The following LOC128092252 variants were observed in gnomAD, a reference collection of about 807,000 sequenced individuals.
At chr15:50,670,543 A>G in the LOC128092252 span, among the ~76,000 whole-genome samples, 4 of 152,184 alleles carry the variant, frequency 2.6e-5, no homozygotes, top group South Asian at 2.1e-4. Flanking sequence ...AACCAGCACC[A>G]TGACAGTTTA....
chr15:50,662,197 C>T, the LOC128092252 span, among the ~76,000 whole-genome samples: 3 of 152,066 alleles, frequency 2.0e-5, no homozygotes, highest in African/African-American at 4.8e-5. Flanking sequence ...ACTAAAAATA[C>T]AAAAATTTAG....
chr15:50,660,556 G>A, the LOC128092252 span, among the ~76,000 whole-genome samples: 1 of 152,272 alleles, frequency 6.6e-6, no homozygotes, highest in Admixed American at 6.5e-5. Context: ...TCAGGTAGCT[G>A]AGGCATGAGA....
At chr15:50,661,853 G>C in the LOC128092252 span, among the ~76,000 whole-genome samples, 1 of 152,198 alleles carries the variant, frequency 6.6e-6, no homozygotes, top group Admixed American at 6.5e-5. Flanking sequence ...ATGAAGAAAA[G>C]TGCTCTATAG....
At chr15:50,651,968 A>G in the LOC128092252 span, among the ~76,000 whole-genome samples, 1 of 152,056 alleles carries the variant, frequency 6.6e-6, no homozygotes, top group South Asian at 2.1e-4. Context: ...AAATAACCTA[A>G]ACTTCTACCT....
At chr15:50,678,748 G>C in the LOC128092252 span, among the ~76,000 whole-genome samples, 1 of 152,028 alleles carries the variant, frequency 6.6e-6, no homozygotes, top group East Asian at 1.9e-4. Context: ...AAAAACTTAA[G>C]GCCAGGTGCA....
At chr15:50,686,546 G>A in the LOC128092252 span, 2 of 1,610,264 alleles carry the variant, frequency 1.2e-6, no homozygotes, top group Non-Finnish European at 1.7e-6. Context: ...TCCTCACGGG[G>A]CGGACTCCGG....
chr15:50,652,816 C>T, the LOC128092252 span, among the ~76,000 whole-genome samples: 2 of 151,788 alleles, frequency 1.3e-5, no homozygotes, highest in African/African-American at 2.4e-5. Flanking sequence ...GCTTGGGTAA[C>T]AAAAGGAACT....
the LOC128092252 span, among the ~76,000 whole-genome samples, chr15:50,682,576 C>CAA: frequency 1.6e-4 from 17 of 103,176 alleles, no homozygotes; most frequent in African/African-American, 5.1e-4. Flanking sequence ...AACTCCATCT[C>CAA]AAAAAAAAAA....
chr15:50,676,779 C>T, the LOC128092252 span, among the ~76,000 whole-genome samples: 1 of 151,978 alleles, frequency 6.6e-6, no homozygotes, highest in Non-Finnish European at 1.5e-5. Context: ...ACTTATAGAA[C>T]CAGAATACCC....
the LOC128092252 span, among the ~76,000 whole-genome samples, chr15:50,667,519 C>G: frequency 1.3e-5 from 2 of 152,098 alleles, no homozygotes; most frequent in Non-Finnish European, 2.9e-5. Flanking sequence ...CCAGCCTGGC[C>G]GACATGTAAA....
At chr15:50,682,803 G>A in the LOC128092252 span, among the ~76,000 whole-genome samples, 1 of 151,916 alleles carries the variant, frequency 6.6e-6, no homozygotes, top group African/African-American at 2.4e-5. Flanking sequence ...TCTTTTTACT[G>A]ATTCACATAA....
At chr15:50,675,590 T>C in the LOC128092252 span, among the ~76,000 whole-genome samples, 1 of 152,200 alleles carries the variant, frequency 6.6e-6, no homozygotes, top group Admixed American at 6.5e-5. Flanking sequence ...AAAGTTTTTA[T>C]AGTTTTTGAA....
the LOC128092252 span, among the ~76,000 whole-genome samples, chr15:50,683,555 CA>C: frequency 2.6e-5 from 4 of 151,760 alleles, no homozygotes; most frequent in Admixed American, 2.6e-4. Flanking sequence ...GCCAACATGG[CA>C]AACCCTGTCT....
chr15:50,664,681 C>A, the LOC128092252 span, among the ~76,000 whole-genome samples: 2 of 152,144 alleles, frequency 1.3e-5, no homozygotes, highest in African/African-American at 4.8e-5. Flanking sequence ...AACCTAACAG[C>A]AGAAGCCAGG....
At chr15:50,675,416 C>T in the LOC128092252 span, among the ~76,000 whole-genome samples, 2 of 151,990 alleles carry the variant, frequency 1.3e-5, 1 homozygote, top group South Asian at 4.1e-4. Context: ...CAAAAACTTA[C>T]TACCTCTCAT....
chr15:50,654,856 C>A, the LOC128092252 span, among the ~76,000 whole-genome samples: 2 of 149,830 alleles, frequency 1.3e-5, no homozygotes, highest in Middle Eastern at 6.8e-3. Context: ...AAAAAACTAC[C>A]CGGGTGTGGC....
the LOC128092252 span, chr15:50,648,817 T>G: frequency 1.9e-6 from 3 of 1,613,222 alleles, no homozygotes; most frequent in Non-Finnish European, 1.7e-6. Flanking sequence ...CAATTTCACA[T>G]CTGAGTATTT....
the LOC128092252 span, among the ~76,000 whole-genome samples, chr15:50,652,328 CAAAAAAAAA>C: frequency 2.9e-5 from 1 of 34,224 alleles, no homozygotes; most frequent in Admixed American, 5.0e-4. Context: ...GACTCCATCT[CAAAAAAAAA>C]AAAAAAAAAA....
At chr15:50,677,036 C>T in the LOC128092252 span, among the ~76,000 whole-genome samples, 2 of 152,140 alleles carry the variant, frequency 1.3e-5, no homozygotes, top group Non-Finnish European at 1.5e-5. Context: ...CTGTCTTAGT[C>T]GGCTTGGGAT....
Sources: allele counts gnomAD v4.1 joint callset (sites outside exome capture counted in the v4.1 genomes callset), GRCh38; gene constraint gnomAD v4.1.1; transcripts MANE v1.5.